The following MAD1L1 variants were observed in gnomAD, a reference collection of about 807,000 sequenced individuals.
MAD1L1 encodes the protein mitotic arrest deficient 1 like 1.
Under a neutral mutation model 96.9 loss-of-function variants are expected in MAD1L1, and 95 were observed. The ratio of observed to expected loss-of-function variants is 0.98; its 90% CI spans 0.83 to 1.16. MAD1L1 has a LOEUF of 1.16. Among genes scored for constraint, MAD1L1 ranks in the 50% most tolerant of loss-of-function variants. MAD1L1 has a pLI of 0.00. For synonymous variants in MAD1L1, 473 were observed against 396.6 expected (o/e 1.19, Z -2.29); for missense variants, 1,007 against 954.4 (o/e 1.06, Z -0.73).
intron 10 of MAD1L1, among the ~76,000 whole-genome samples, chr7:2,193,936 A>AAT (rs754945814): frequency 3.6e-5 from 3 of 82,802 alleles, no homozygotes; most frequent in East Asian, 4.1e-4. Flanking sequence ...CTCTGCATGG[A>AAT]TTTTTTTTTT....
intron 18 of MAD1L1, among the ~76,000 whole-genome samples, chr7:1,828,987 C>T (rs1440600997): frequency 1.3e-5 from 2 of 152,164 alleles, no homozygotes; most frequent in Admixed American, 6.5e-5. Flanking sequence ...AGTGAAGCTG[C>T]AGATACAACC....
chr7:2,147,747 C>G (rs1789381436), intron 11 of MAD1L1, among the ~76,000 whole-genome samples: 1 of 152,222 alleles, frequency 6.6e-6, no homozygotes, highest in South Asian at 2.1e-4. Flanking sequence ...GACAGAGACC[C>G]CATTCCCAAA....
intron 12 of MAD1L1, among the ~76,000 whole-genome samples, chr7:2,020,340 C>A (rs556824012): frequency 5.9e-5 from 9 of 152,328 alleles, no homozygotes; most frequent in African/African-American, 2.2e-4. Context: ...CAGCGTGACC[C>A]CAGCATTCCC....
chr7:2,113,174 A>T (rs1302675521), intron 11 of MAD1L1, among the ~76,000 whole-genome samples: 3 of 151,992 alleles, frequency 2.0e-5, no homozygotes, highest in Non-Finnish European at 4.4e-5. Context: ...AAAGCGTCCC[A>T]CTCAGGAAAC....
At position 1,827,429 on chromosome 7, in the gene MAD1L1, C is replaced by A. The variant is rs1313195063; in HGVS notation, c.1999-11201G>T. On this transcript the variant is annotated intron_variant, in intron 18 of 18. Coordinates refer to ENST00000265854, the MANE Select transcript of MAD1L1 (RefSeq NM_001013836.2). ...GGTGTGGGGTCCTCCCCTCCTGAGCCCGTCGCGGGTGTGGGGTCCTCCCCT... is the reference window on the plus strand; with the variant it reads ...GGTGTGGGGTCCTCCCCTCCTGAGCACGTCGCGGGTGTGGGGTCCTCCCCT... Among the ~76,000 whole-genome samples the A allele has an allele frequency of 1.9e-4, 26 of 138,390 alleles. No individual in the cohort carries two copies. The Admixed American group carries it at 1.9e-3, about 10-fold the overall frequency. The allele number at this position is 138,390 out of a possible 152,430, so 90.8% of individuals were successfully genotyped here.
chr7:1,885,287 C>A (rs1029289322), intron 18 of MAD1L1, among the ~76,000 whole-genome samples: 1 of 152,200 alleles, frequency 6.6e-6, no homozygotes, highest in African/African-American at 2.4e-5. Context: ...CTCTCACATG[C>A]CCTCTGCCCA....
At chr7:2,191,969 T>G (rs933033207) in intron 10 of MAD1L1, among the ~76,000 whole-genome samples, 2 of 151,630 alleles carry the variant, frequency 1.3e-5, no homozygotes, top group African/African-American at 2.4e-5. Context: ...TGGCAGAGGT[T>G]GCAGTGAGCT....
chr7:1,830,163 G>A lies in MAD1L1; in HGVS notation c.1999-13935C>T, dbSNP rs568482749. Among the ~76,000 whole-genome samples, 513 of 152,340 alleles carry A rather than the reference G, an allele frequency of 3.4e-3. 4 individuals are homozygous for A. The highest frequency in any genetic ancestry group is 0.011 in the Admixed American group (169 of 15,308). On this transcript the variant is annotated intron_variant, in intron 18 of 18. Coordinates refer to ENST00000265854, the MANE Select transcript of MAD1L1 (RefSeq NM_001013836.2). ...TGTAATCCCAGCACTGTGGGAGGCC[G>A]AGGTGGGAGGATCACCTGAGGTCAG... is the stretch of plus-strand genomic sequence containing the variant.
At position 1,936,798 on chromosome 7, in the gene MAD1L1, C is replaced by T. The variant is rs777297688; in HGVS notation, c.1696G>A (p.Ala566Thr). Residue 566 changes from alanine (A) to threonine (T), a missense_variant, in exon 17 of 19, where the codon GCG (alanine) becomes ACG (threonine). Coordinates refer to ENST00000265854, the MANE Select transcript of MAD1L1 (RefSeq NM_001013836.2). ...RLREDHSQLQ[A>T]ECERLRGLLR... ...AGCCCGCGCAGTCGCTCGCACTCCG[C>T]CTGCAGCTGGCTGTGGTCCTCGCGC... The T allele has an allele frequency of 2.9e-5, 46 of 1,591,202 alleles. No individual in the cohort carries two copies. The Admixed American group carries it at 8.1e-4, about 28-fold the overall frequency.
intron 18 of MAD1L1, among the ~76,000 whole-genome samples, chr7:1,822,442 A>ATATATATTTTTT (rs768089526): frequency 7.1e-6 from 1 of 140,586 alleles, no homozygotes; most frequent in South Asian, 2.2e-4. Flanking sequence ...ATATATATAT[A>ATATATATTTTTT]TTTTTTTTTT....
chr7:1,880,284 C>A (rs375966296), intron 18 of MAD1L1, among the ~76,000 whole-genome samples: 28 of 152,280 alleles, frequency 1.8e-4, no homozygotes, highest in Admixed American at 5.2e-4. Flanking sequence ...GTGACCCAGG[C>A]TGGGCAGATG....
At position 2,216,009 on chromosome 7, in the gene MAD1L1, C is replaced by T. The variant is rs190371426; in HGVS notation, c.810-10G>A. 2.7e-4 allele frequency: 435 copies of T among 1,613,684 alleles called. 3 individuals are homozygous for T. In the African/African-American group the frequency reaches 5.3e-3, roughly 20 times the overall value. ...GGTCTCTCTCATCTCCCTGGCAGTG[C>T]CACAAAGAGTCGCTCAAATAGCCAC... On this transcript the variant is annotated splice_polypyrimidine_tract_variant and intron_variant, in intron 8 of 18. Coordinates refer to ENST00000265854, the MANE Select transcript of MAD1L1 (RefSeq NM_001013836.2).
At chr7:1,880,797 T>C (rs1451811805) in intron 18 of MAD1L1, among the ~76,000 whole-genome samples, 4 of 152,198 alleles carry the variant, frequency 2.6e-5, no homozygotes, top group African/African-American at 9.7e-5. Flanking sequence ...TCACTGCTGA[T>C]GGGGAGCCTG....
intron 18 of MAD1L1, among the ~76,000 whole-genome samples, chr7:1,842,355 G>A (rs1224582179): frequency 5.3e-5 from 8 of 152,328 alleles, no homozygotes; most frequent in East Asian, 1.9e-4. Flanking sequence ...CTGCGGCTCC[G>A]GCCCTGGAGG....
chr7:1,908,300 G>A (rs951608385), intron 17 of MAD1L1, among the ~76,000 whole-genome samples: 1 of 152,228 alleles, frequency 6.6e-6, no homozygotes, highest in Non-Finnish European at 1.5e-5. Context: ...CATGGCTGAA[G>A]ACATCTCTAC....
rs760367357 is a variant in MAD1L1 at position 1,957,689 on chromosome 7, C to T, written c.1536G>A (p.Arg512=). ...TCCTCTTTTCCTCCTCCAGCCGACT[C>T]CGCTCGCCTTCCAGCTCCTCGACCT... is the stretch of plus-strand genomic sequence containing the variant. ...RLKVEELEGE[R]SRLEEEKRML... The change falls in exon 16 of 19, where the codon CGG becomes CGA. Residue 512 remains arginine (R), a synonymous_variant. Coordinates refer to ENST00000265854, the MANE Select transcript of MAD1L1 (RefSeq NM_001013836.2). 13 of 1,614,052 alleles carry T rather than the reference C, an allele frequency of 8.1e-6. No individual in the cohort carries two copies. The Admixed American group carries it at 1.8e-4, about 23-fold the overall frequency.
intron 17 of MAD1L1, among the ~76,000 whole-genome samples, chr7:1,904,514 G>C (rs998556743): frequency 3.0e-5 from 4 of 133,022 alleles, no homozygotes; most frequent in African/African-American, 1.0e-4. Context: ...AGATGCTCTT[G>C]CGGAACTCAT....
intron 12 of MAD1L1, among the ~76,000 whole-genome samples, chr7:2,060,424 T>TA (rs1301924288): frequency 6.6e-6 from 1 of 151,124 alleles, no homozygotes; most frequent in Non-Finnish European, 1.5e-5. Context: ...GATGCTGAGA[T>TA]ACGCCGATGC....
chr7:2,128,685 G>A (rs1488013316), intron 11 of MAD1L1, among the ~76,000 whole-genome samples: 1 of 152,200 alleles, frequency 6.6e-6, no homozygotes, highest in East Asian at 1.9e-4. Context: ...GGCCATTGCA[G>A]GGATCCTGGC....
Sources: allele counts gnomAD v4.1 joint callset (sites outside exome capture counted in the v4.1 genomes callset), GRCh38; gene constraint gnomAD v4.1.1; transcripts MANE v1.5; gene names NCBI Gene and HGNC (gene_info 2026-07-23, HGNC 2026-07-21).